Variants in IL6ST observed in about 807,000 individuals in gnomAD.
IL6ST encodes interleukin 6 cytokine family signal transducer, also known as interleukin-6 receptor subunit beta.
Under a neutral mutation model 91.3 loss-of-function variants are expected in IL6ST, and 24 were observed. The ratio of observed to expected loss-of-function variants is 0.26; its 90% CI spans 0.19 to 0.37. The LOEUF (loss-of-function observed/expected upper bound fraction) is 0.37, where lower values mean the gene tolerates loss of function less well. IL6ST is among the 10% of genes least tolerant of loss of function. The probability of loss-of-function intolerance (pLI) is 1.00; values close to 1 mark genes in which losing one functional copy is unlikely to be tolerated. For missense variants in IL6ST, 914 were observed against 1,078.5 expected (o/e 0.85, Z 2.14); for synonymous variants, 351 against 373.6 (o/e 0.94, Z 0.70).
At chr5:55,963,941 A>G (rs569877844) in intron 6 of IL6ST, among the ~76,000 whole-genome samples, 1 of 152,310 alleles carries the variant, frequency 6.6e-6, no homozygotes, top group East Asian at 1.9e-4. Context: ...CTTCATAAAA[A>G]TCACTAAGAT....
chr5:55,988,145 A>G (rs1754086577), intron 1 of IL6ST, among the ~76,000 whole-genome samples: 1 of 151,912 alleles, frequency 6.6e-6, no homozygotes, highest in Non-Finnish European at 1.5e-5. Context: ...AAAAAAAAAA[A>G]AAGGAAGAAA....
At chr5:55,952,831 G>A (rs998994608) in intron 11 of IL6ST, among the ~76,000 whole-genome samples, 1 of 152,158 alleles carries the variant, frequency 6.6e-6, no homozygotes, top group Non-Finnish European at 1.5e-5. Context: ...GGAGGTTAAG[G>A]TGGGAGGATC....
Position 55,968,295 on chromosome 5 carries a change from A to C in IL6ST, c.472T>G (p.Phe158Val). The C allele has an allele frequency of 6.3e-7, 1 of 1,591,168 alleles. No individual in the cohort carries two copies. The highest frequency in any genetic ancestry group is 1.2e-5 in the South Asian group (1 of 86,732). ...ACGTACCATTCAGATTTTAAAGTGA[A>C]GTTTGTCTCCAAGTGTGTTTCCCTT... ...GGRETHLETN[F>V]TLKSEWATHK... is the part of the protein sequence containing the mutation. The change falls in exon 5 of 17, where the codon TTC (phenylalanine) becomes GTC (valine). Residue 158 changes from phenylalanine to valine, a missense_variant. Transcript: ENST00000381298.
At chr5:55,994,048 C>CAAAAAA (rs34900510) in intron 1 of IL6ST, 10 of 57,674 alleles carry the variant, frequency 1.7e-4, no homozygotes, top group East Asian at 6.1e-4. Flanking sequence ...CTTCTGAAGG[C>CAAAAAA]AAAAAAAAAA....
rs1048430349 is a variant in IL6ST at position 55,940,070 on chromosome 5, C to T, written c.*1012G>A. The T allele has an allele frequency of 2.5e-5, 5 of 196,138 alleles. No individual in the cohort carries two copies. The highest frequency in any genetic ancestry group is 5.3e-5 in the Non-Finnish European group (5 of 94,564). 12.1% of individuals were successfully genotyped at this position (196,138 alleles called of 1,614,324 possible). A position where few individuals can be genotyped will look rare whatever the true frequency, so the allele number is the denominator to read the frequency against. On this transcript the variant is annotated 3_prime_UTR_variant, in exon 17 of 17. Coordinates refer to ENST00000381298, the MANE Select transcript of IL6ST (RefSeq NM_002184.4). ...AACAAATTTAAGCTGAAGATATATA[C>T]TGTATAAAGTGTTCATCTACCCAGT... is the stretch of plus-strand genomic sequence containing the variant.
At chr5:55,994,445 T>G (rs1248279639) in intron 1 of IL6ST, among the ~76,000 whole-genome samples, 2 of 150,796 alleles carry the variant, frequency 1.3e-5, no homozygotes, top group East Asian at 1.9e-4. Flanking sequence ...TCAGGGGAGA[T>G]GAAAAGGGGA....
At position 55,951,955 on chromosome 5, in the gene IL6ST, T is replaced by C. The variant is rs779902426; in HGVS notation, c.1673A>G (p.Tyr558Cys). Residue 558 changes from tyrosine to cysteine, a missense_variant, in exon 13 of 17, where the codon TAT becomes TGT. Transcript: ENST00000381298. ...AGTTTCATTTCCAATGATGGTTCTA[T>C]AAAATATAGTATAATTTCTGATAAA... ...NGFIRNYTIF[Y>C]RTIIGNETAV... The C allele has an allele frequency of 6.7e-7, 1 of 1,486,958 alleles. No individual in the cohort carries two copies. Among genetic ancestry groups the C allele is most frequent in the Non-Finnish European group, 9.4e-7 (1 of 1,067,480 alleles). The allele number at this position is 1,486,958 out of a possible 1,614,324, so 92.1% of individuals were successfully genotyped here.
chr5:55,990,701 A>G (rs1420121961), intron 1 of IL6ST, among the ~76,000 whole-genome samples: 1 of 152,186 alleles, frequency 6.6e-6, no homozygotes, highest in East Asian at 1.9e-4. Flanking sequence ...ACAATACACC[A>G]TAGGTACATG....
intron 9 of IL6ST, among the ~76,000 whole-genome samples, chr5:55,957,004 A>G (rs987435888): frequency 4.6e-5 from 7 of 152,048 alleles, no homozygotes; most frequent in Admixed American, 6.5e-5. Flanking sequence ...CTAAAAATAC[A>G]AAAATTAGCG....
intron 16 of IL6ST, among the ~76,000 whole-genome samples, 186 bp downstream of exon 16, chr5:55,942,484 A>G (rs539725715): frequency 6.6e-6 from 1 of 152,224 alleles, no homozygotes; most frequent in East Asian, 1.9e-4. Flanking sequence ...TATGTCATAC[A>G]TATTAAATTT....
At chr5:55,956,368 CATTTTAA>C in intron 9 of IL6ST, 133 bp from the exon 10 acceptor site, 2 of 614,736 alleles carry the variant, frequency 3.3e-6, no homozygotes, top group Non-Finnish European at 5.6e-6. Context: ...TCACAATCTC[CATTTTAA>C]ATTTGGTTCT....
chr5:55,979,622 G>A (rs542029797), intron 2 of IL6ST, among the ~76,000 whole-genome samples: 1 of 152,296 alleles, frequency 6.6e-6, no homozygotes, highest in East Asian at 1.9e-4. Context: ...ATTGGCATAA[G>A]CTTCCCAATA....
chr5:55,988,021 C>A (rs1754073556), intron 1 of IL6ST, among the ~76,000 whole-genome samples: 1 of 151,704 alleles, frequency 6.6e-6, no homozygotes, highest in South Asian at 2.1e-4. Flanking sequence ...GTCCCAGCTA[C>A]TTGGGAGGCT....
chr5:55,940,164 C>A lies in IL6ST; in HGVS notation c.*918G>T. 1 of 201,518 alleles carries A rather than the reference C, an allele frequency of 5.0e-6. No homozygotes were observed. The highest frequency in any genetic ancestry group is 1.0e-5 in the Non-Finnish European group (1 of 98,632). The allele number at this position is 201,518 out of a possible 1,614,324, so 12.5% of individuals were successfully genotyped here. A position where few individuals can be genotyped will look rare whatever the true frequency, so the allele number is the denominator to read the frequency against. On this transcript the variant is annotated 3_prime_UTR_variant, in exon 17 of 17. Coordinates refer to ENST00000381298, the MANE Select transcript of IL6ST (RefSeq NM_002184.4). ...ATATATATATATATACACACATTAG[C>A]AATTTAAGCCTTTTAACATGCCAAT...
At chr5:55,950,535 C>CAAAAAAAAAAAAAAA (rs70995750) in intron 14 of IL6ST, among the ~76,000 whole-genome samples, 1 of 29,354 alleles carries the variant, frequency 3.4e-5, no homozygotes, top group East Asian at 1.7e-3. Context: ...GACTCTGTCT[C>CAAAAAAAAAAAAAAA]AAAAAAAAAA....
At chr5:55,992,683 C>T (rs1269405690) in intron 1 of IL6ST, among the ~76,000 whole-genome samples, 2 of 152,136 alleles carry the variant, frequency 1.3e-5, no homozygotes, top group East Asian at 1.9e-4. Flanking sequence ...GTCCTCCATT[C>T]GCTATTATTA....
chr5:55,960,564 GA>G lies in IL6ST; in HGVS notation c.814-4del. Reference sequence around the variant, plus strand: ...GATGCTGTGTCTTCAGGAGGAATCTGAAACAAAGCAAACCAAACAACAGAAA... The same window carrying G: ...GATGCTGTGTCTTCAGGAGGAATCTGAACAAAGCAAACCAAACAACAGAAA... On this transcript the variant is annotated splice_polypyrimidine_tract_variant and splice_region_variant and intron_variant, in intron 7 of 16. Transcript: ENST00000381298. The G allele has an allele frequency of 6.2e-7, 1 of 1,606,210 alleles. No individual in the cohort carries two copies. The highest frequency in any genetic ancestry group is 8.5e-7 in the Non-Finnish European group (1 of 1,177,536).
At position 55,937,155 on chromosome 5, in the gene IL6ST, G is replaced by A. The variant is rs1415861314; in HGVS notation, c.*3927C>T. Reference sequence around the variant, plus strand: ...AAAGAACATCATTCAGACAAAGCCTGTGTTCAAGAAATAAAAAAAACATCT... The same window carrying A: ...AAAGAACATCATTCAGACAAAGCCTATGTTCAAGAAATAAAAAAAACATCT... On this transcript the variant is annotated 3_prime_UTR_variant, in exon 17 of 17. Transcript: ENST00000381298. 2 of 210,618 alleles carry A rather than the reference G, an allele frequency of 9.5e-6. No homozygotes were observed. Among genetic ancestry groups the A allele is most frequent in the East Asian group, 7.1e-5 (1 of 14,170 alleles). 13.0% of individuals were successfully genotyped at this position (210,618 alleles called of 1,614,324 possible).
At chr5:55,985,337 A>G (rs1158952424) in intron 1 of IL6ST, among the ~76,000 whole-genome samples, 1 of 152,000 alleles carries the variant, frequency 6.6e-6, no homozygotes, top group African/African-American at 2.4e-5. Flanking sequence ...GTATATGGTG[A>G]AACCCTGTCT....
Sources: allele counts gnomAD v4.1 joint callset (sites outside exome capture counted in the v4.1 genomes callset), GRCh38; gene constraint gnomAD v4.1.1; transcripts MANE v1.5; gene names NCBI Gene and HGNC (gene_info 2026-07-23, HGNC 2026-07-21).